The following CWF19L2 variants were observed in gnomAD, a reference collection of about 807,000 sequenced individuals.
CWF19L2 encodes CWF19 like cell cycle control factor 2.
A neutral mutation model predicts 111.7 loss-of-function variants in CWF19L2; 98 were observed. That is an observed-to-expected ratio of 0.88 (90% confidence interval 0.75 to 1.04). CWF19L2 has a LOEUF of 1.04. CWF19L2 is among the 50% of genes least tolerant of loss of function. CWF19L2 has a pLI of 0.00. For synonymous variants in CWF19L2, 351 were observed against 342.9 expected (o/e 1.02, Z -0.26); for missense variants, 1,101 against 1,051.4 (o/e 1.05, Z -0.65).
At chr11:107,447,404 A>G (rs1278338518) in intron 3 of CWF19L2, among the ~76,000 whole-genome samples, 1 of 152,194 alleles carries the variant, frequency 6.6e-6, no homozygotes, top group Non-Finnish European at 1.5e-5. Flanking sequence ...TCAGGCAAAG[A>G]AAAATTACCA....
intron 10 of CWF19L2, among the ~76,000 whole-genome samples, chr11:107,402,871 GTGTA>G (rs201652208): frequency 0.078 from 4,465 of 57,030 alleles, 645 homozygotes; most frequent in East Asian, 0.21. Context: ...AAACTGTGGT[GTGTA>G]TATATATATA....
In CWF19L2 at chr11:107,389,229, T is replaced by C. The variant is rs535070174; in HGVS notation, c.1872+845A>G. Among the ~76,000 whole-genome samples the C allele has an allele frequency of 1.4e-4, 21 of 152,330 alleles. 1 individual carries two copies. In the South Asian group the frequency reaches 2.9e-3, roughly 21 times the overall value. ...ACTACCAAAAAGTAACCATTGTTAT[T>C]ATAGGGTGGAAGTTGGCCATTTTTT... On this transcript the variant is annotated intron_variant, in intron 12 of 17. Transcript: ENST00000282251.
chr11:107,358,838 C>T (rs74856230), intron 12 of CWF19L2, among the ~76,000 whole-genome samples: 5,658 of 152,230 alleles, frequency 0.037, 148 homozygotes, highest in Non-Finnish European at 0.057. Context: ...GACCTCTGAA[C>T]CTGCAGCTGG....
At chr11:107,389,994 A>T in intron 12 of CWF19L2, 80 bp downstream of exon 12, 2 of 1,178,078 alleles carry the variant, frequency 1.7e-6, no homozygotes, top group Non-Finnish European at 2.4e-6. Flanking sequence ...AGAGAACCAG[A>T]TCTCTCCAAA....
At position 107,350,925 on chromosome 11, in the gene CWF19L2, T is replaced by C. The variant is rs79358658; in HGVS notation, c.2086-1872A>G. ...ATGCATACCAAGTGTGCTCTCCAGC[T>C]TGTCAGACAGCCAGTGTGGCTAAGC... On this transcript the variant is annotated intron_variant, in intron 13 of 17. Coordinates refer to ENST00000282251, the MANE Select transcript of CWF19L2 (RefSeq NM_152434.3). Among the ~76,000 whole-genome samples, 950 of 152,262 alleles carry C rather than the reference T, an allele frequency of 6.2e-3. 6 individuals are homozygous for C. The highest frequency in any genetic ancestry group is 1.0e-2 in the Non-Finnish European group (678 of 68,024).
intron 14 of CWF19L2, among the ~76,000 whole-genome samples, chr11:107,339,785 C>G (rs1487263187): frequency 2.0e-5 from 3 of 150,990 alleles, no homozygotes; most frequent in African/African-American, 7.3e-5. Context: ...CCCGCCTTGG[C>G]CCCCCCACAA....
rs772358368 is a variant in CWF19L2 at position 107,353,665 on chromosome 11, T to G, written c.1944A>C (p.Glu648Asp). The G allele has an allele frequency of 6.2e-7, 1 of 1,613,712 alleles. No homozygotes were observed. The highest frequency in any genetic ancestry group is 8.5e-7 in the Non-Finnish European group (1 of 1,179,786). ...DMFVSKAAER[E>D]RLGEEEENQR... ...GGTTCTCTTCCTCTTCACCAAGACGTTCTCTCTCAGCTGCTTTGGAGACAA... is the reference window on the plus strand; with the variant it reads ...GGTTCTCTTCCTCTTCACCAAGACGGTCTCTCTCAGCTGCTTTGGAGACAA... The change falls in exon 13 of 18, where the codon GAA becomes GAC. Residue 648 changes from glutamate (E) to aspartate (D), a missense_variant. By Grantham distance (45) the Glu-to-Asp change is conservative (BLOSUM62 2). Coordinates refer to ENST00000282251, the MANE Select transcript of CWF19L2 (RefSeq NM_152434.3).
In CWF19L2 at chr11:107,336,721, A is replaced by AC. The variant is rs1449740319; in HGVS notation, c.2203-9_2203-8insG. 2.1e-6 allele frequency: 3 copies of AC among 1,398,296 alleles called. No individual in the cohort carries two copies. In the South Asian group the frequency reaches 4.1e-5, roughly 19 times the overall value. The allele number at this position is 1,398,296 out of a possible 1,614,324, so 86.6% of individuals were successfully genotyped here. ...CAATGATTTTCTGAACATCTAAAAA[A>AC]AAAAAAGAACTAGGTAAAGAAAACA... On this transcript the variant is annotated splice_polypyrimidine_tract_variant and intron_variant, in intron 14 of 17. Coordinates refer to ENST00000282251, the MANE Select transcript of CWF19L2 (RefSeq NM_152434.3).
intron 15 of CWF19L2, 111 bp downstream of exon 15, chr11:107,336,446 TA>T: frequency 1.1e-6 from 1 of 872,312 alleles, no homozygotes; most frequent in Non-Finnish European, 1.7e-6. Flanking sequence ...TTTCTTTATA[TA>T]AATTTTGATG....
intron 10 of CWF19L2, among the ~76,000 whole-genome samples, chr11:107,411,092 C>T (rs1311578809): frequency 3.7e-4 from 5 of 13,368 alleles, no homozygotes; most frequent in Non-Finnish European, 1.2e-3. Context: ...CGTGCGTGCA[C>T]ACACACACAC....
intron 12 of CWF19L2, among the ~76,000 whole-genome samples, chr11:107,387,218 G>T (rs1185334363): frequency 1.3e-5 from 2 of 151,896 alleles, no homozygotes; most frequent in African/African-American, 4.8e-5. Context: ...TGTCCCTCCT[G>T]CAATTTTTCC....
chr11:107,395,903 C>T (rs1290111161), intron 10 of CWF19L2, among the ~76,000 whole-genome samples: 1 of 151,138 alleles, frequency 6.6e-6, no homozygotes, highest in South Asian at 2.1e-4. Context: ...GTCACAGTGT[C>T]AAACAATAAT....
intron 3 of CWF19L2, among the ~76,000 whole-genome samples, chr11:107,450,803 C>T (rs1861767571): frequency 6.6e-6 from 1 of 152,126 alleles, no homozygotes; most frequent in Admixed American, 6.5e-5. Flanking sequence ...TAACAACAGT[C>T]AGTTCATCAA....
intron 12 of CWF19L2, among the ~76,000 whole-genome samples, chr11:107,380,857 T>C (rs547479585): frequency 1.3e-5 from 2 of 152,326 alleles, no homozygotes; most frequent in South Asian, 2.1e-4. Flanking sequence ...AAATGTGTTA[T>C]ATACATATAA....
chr11:107,399,365 A>C (rs903456196), intron 10 of CWF19L2, among the ~76,000 whole-genome samples: 2 of 152,158 alleles, frequency 1.3e-5, no homozygotes, highest in African/African-American at 4.8e-5. Context: ...ACTTAAAATA[A>C]AGGGATGGAA....
At chr11:107,440,620 A>G (rs1591206431) in intron 5 of CWF19L2, among the ~76,000 whole-genome samples, 1 of 152,218 alleles carries the variant, frequency 6.6e-6, no homozygotes, top group East Asian at 1.9e-4. Context: ...TTGCATACTG[A>G]GGACAATTGA....
intron 7 of CWF19L2, among the ~76,000 whole-genome samples, chr11:107,433,008 G>C (rs1861486036): frequency 6.6e-6 from 1 of 152,118 alleles, no homozygotes; most frequent in Admixed American, 6.5e-5. Context: ...ATCCAACTAT[G>C]TGTACATTAT....
chr11:107,395,005 T>C (rs908112514), intron 10 of CWF19L2, among the ~76,000 whole-genome samples: 1 of 152,182 alleles, frequency 6.6e-6, no homozygotes, highest in Admixed American at 6.5e-5. Context: ...CATGATGAGG[T>C]AAGTATAGAA....
At chr11:107,342,642 T>C (rs1860021676) in intron 14 of CWF19L2, among the ~76,000 whole-genome samples, 1 of 152,160 alleles carries the variant, frequency 6.6e-6, no homozygotes, top group Non-Finnish European at 1.5e-5. Flanking sequence ...AAATATTGAT[T>C]AAATCCTGCT....
Sources: allele counts gnomAD v4.1 joint callset (sites outside exome capture counted in the v4.1 genomes callset), GRCh38; gene constraint gnomAD v4.1.1; transcripts MANE v1.5; gene names NCBI Gene and HGNC (gene_info 2026-07-23, HGNC 2026-07-21).